Variants in ULK4 observed in about 807,000 individuals in gnomAD.
The protein encoded by ULK4 is inactive serine/threonine-protein kinase ULK4.
In ULK4, 133 loss-of-function variants were observed where a neutral mutation model predicts 160.6. The ratio of observed to expected loss-of-function variants is 0.83; its 90% CI spans 0.72 to 0.96. The LOEUF (loss-of-function observed/expected upper bound fraction) is 0.96. Among genes scored for constraint, ULK4 ranks in the 40% least tolerant of loss-of-function variants. The probability of loss-of-function intolerance (pLI) is 0.00; values close to 1 mark genes in which losing one functional copy is unlikely to be tolerated. For synonymous variants in ULK4, 534 were observed against 539.8 expected (o/e 0.99, Z 0.15); for missense variants, 1,580 against 1,499.5 (o/e 1.05, Z -0.89).
chr3:41,479,226 G>A (rs558072832), intron 32 of ULK4, among the ~76,000 whole-genome samples: 3 of 152,272 alleles, frequency 2.0e-5, no homozygotes, highest in Admixed American at 6.5e-5. Flanking sequence ...TTCCTCCCCT[G>A]TCATCTACTT....
chr3:41,576,131 C>A, intron 31 of ULK4, among the ~76,000 whole-genome samples: 1 of 152,244 alleles, frequency 6.6e-6, no homozygotes, highest in Non-Finnish European at 1.5e-5. Context: ...CACATCCAGA[C>A]ACACAACTCC....
chr3:41,471,451 T>A (rs75739601), intron 32 of ULK4, among the ~76,000 whole-genome samples: 4,776 of 152,148 alleles, frequency 0.031, 242 homozygotes, highest in African/African-American at 0.11. Flanking sequence ...CAGACAGAAA[T>A]TAATAAGAAA....
chr3:41,950,728 A>G (rs895167955), intron 2 of ULK4, among the ~76,000 whole-genome samples: 1 of 152,164 alleles, frequency 6.6e-6, no homozygotes, highest in African/African-American at 2.4e-5. Context: ...TCGAAAAAGG[A>G]AATCAAGAAA....
At chr3:41,339,286 GCT>G (rs1298710919) in intron 35 of ULK4, among the ~76,000 whole-genome samples, 11 of 152,086 alleles carry the variant, frequency 7.2e-5, no homozygotes, top group Non-Finnish European at 1.6e-4. Context: ...CCTACCAGTT[GCT>G]CTGTCTGCAC....
chr3:41,469,500 C>T (rs1193311580), intron 32 of ULK4, among the ~76,000 whole-genome samples: 1 of 149,310 alleles, frequency 6.7e-6, no homozygotes, highest in African/African-American at 2.5e-5. Context: ...GGCAGCAGCC[C>T]AGCCATCTAG....
intron 35 of ULK4, among the ~76,000 whole-genome samples, chr3:41,288,661 TC>T (rs1559506229): frequency 6.6e-6 from 1 of 152,172 alleles, no homozygotes; most frequent in Non-Finnish European, 1.5e-5. Context: ...TACTCACTGA[TC>T]AAACCAATCT....
At chr3:41,533,482 G>A (rs566221485) in intron 32 of ULK4, among the ~76,000 whole-genome samples, 14 of 152,150 alleles carry the variant, frequency 9.2e-5, no homozygotes, top group South Asian at 2.1e-4. Context: ...ATGTTGACGC[G>A]TGAAGATTTG....
intron 29 of ULK4, among the ~76,000 whole-genome samples, chr3:41,673,301 G>A (rs2035598813): frequency 6.6e-6 from 1 of 152,214 alleles, no homozygotes; most frequent in South Asian, 2.1e-4. Context: ...CCACCCCGAT[G>A]TCCTTTGAGC....
intron 32 of ULK4, among the ~76,000 whole-genome samples, chr3:41,487,270 C>G (rs2084572869): frequency 6.6e-6 from 1 of 151,940 alleles, no homozygotes; most frequent in Admixed American, 6.5e-5. Context: ...AAGATACAAT[C>G]CAAATTGGCA....
intron 32 of ULK4, among the ~76,000 whole-genome samples, chr3:41,519,330 A>G (rs2085851593): frequency 6.6e-6 from 1 of 151,980 alleles, no homozygotes; most frequent in Non-Finnish European, 1.5e-5. Context: ...CTGACTAGTC[A>G]CTCCACCTAC....
intron 17 of ULK4, among the ~76,000 whole-genome samples, chr3:41,857,624 T>C (rs9864753): frequency 0.055 from 8,412 of 152,288 alleles, 424 homozygotes; most frequent in East Asian, 0.16. Flanking sequence ...AGACTTTTAT[T>C]ATGACTTTGA....
At chr3:41,706,849 A>ATGTGTGTGTGTGTGTGTGTG (rs749756575) in intron 25 of ULK4, among the ~76,000 whole-genome samples, 12 of 102,360 alleles carry the variant, frequency 1.2e-4, no homozygotes, top group African/African-American at 6.1e-4. Context: ...AAAAAAAAAT[A>ATGTGTGTGTGTGTGTGTGTG]TGTGTGTGTG....
intron 35 of ULK4, among the ~76,000 whole-genome samples, chr3:41,309,943 G>A (rs1457631903): frequency 6.6e-6 from 1 of 152,014 alleles, no homozygotes; most frequent in Non-Finnish European, 1.5e-5. Flanking sequence ...TTACAAATGG[G>A]TCTAAAACAC....
At chr3:41,287,729 C>T (rs746470084) in intron 35 of ULK4, among the ~76,000 whole-genome samples, 1 of 152,276 alleles carries the variant, frequency 6.6e-6, no homozygotes, top group Middle Eastern at 3.4e-3. Context: ...CAACCAAGTA[C>T]TCACAGTGAA....
chr3:41,552,558 T>A (rs1036477088), intron 32 of ULK4, among the ~76,000 whole-genome samples: 6 of 151,480 alleles, frequency 4.0e-5, no homozygotes, highest in Non-Finnish European at 5.9e-5. Context: ...GTAAAATACC[T>A]CTAAAAGGAA....
intron 34 of ULK4, among the ~76,000 whole-genome samples, chr3:41,406,157 T>C (rs778967994): frequency 2.0e-5 from 3 of 152,190 alleles, no homozygotes; most frequent in Non-Finnish European, 4.4e-5. Context: ...TGGCAAAAGA[T>C]AGTGGTCAAG....
chr3:41,436,288 A>C (rs1048652630), intron 34 of ULK4, among the ~76,000 whole-genome samples: 18 of 152,200 alleles, frequency 1.2e-4, no homozygotes, highest in African/African-American at 4.3e-4. Flanking sequence ...TGCATTTTCA[A>C]CTTACAATAC....
At chr3:41,788,068 T>C (rs556726277) in intron 21 of ULK4, among the ~76,000 whole-genome samples, 1 of 152,286 alleles carries the variant, frequency 6.6e-6, no homozygotes, top group South Asian at 2.1e-4. Context: ...AGTGAAAATT[T>C]AATAGCAAAA....
At chr3:41,824,161 T>G (rs1451506434) in intron 18 of ULK4, among the ~76,000 whole-genome samples, 1 of 84,940 alleles carries the variant, frequency 1.2e-5, no homozygotes, top group Non-Finnish European at 2.1e-5. Context: ...AGACTCTATC[T>G]TTAAAAAAAA....
Sources: gnomAD v4.1 joint callset for allele counts (sites outside exome capture counted in the v4.1 genomes callset) on GRCh38, gnomAD v4.1.1 for gene constraint, MANE v1.5 for transcripts, NCBI Gene and HGNC (gene_info 2026-07-23, HGNC 2026-07-21) for gene names.